Variants in INSC observed in about 807,000 individuals in gnomAD.
INSC encodes protein inscuteable homolog.
A neutral mutation model predicts 58.6 loss-of-function variants in INSC; 67 were observed. The ratio of observed to expected loss-of-function variants is 1.14; its 90% CI spans 0.94 to 1.40. The LOEUF (loss-of-function observed/expected upper bound fraction) is 1.40, where lower values mean the gene tolerates loss of function less well. Ranked by LOEUF, INSC falls within the 40% of genes most tolerant of loss-of-function variation. INSC has a pLI of 0.00. For synonymous variants in INSC, 262 were observed against 276.1 expected (o/e 0.95, Z 0.51); for missense variants, 714 against 692.0 (o/e 1.03, Z -0.36).
the INSC span, among the ~76,000 whole-genome samples, chr11:15,255,727 A>AGTGTGTGT: frequency 1.1e-4 from 10 of 93,414 alleles, no homozygotes; most frequent in African/African-American, 3.6e-4. Context: ...TGTATATGTA[A>AGTGTGTGT]GTGTGTGTAT....
Position 15,114,987 on chromosome 11 carries a change from C to A in INSC, c.-62C>A. 2 of 985,480 alleles carry A rather than the reference C, an allele frequency of 2.0e-6. No individual in the cohort carries two copies. The highest frequency in any genetic ancestry group is 2.4e-6 in the Non-Finnish European group (2 of 829,954). The allele number at this position is 985,480 out of a possible 1,614,324, so 61.0% of individuals were successfully genotyped here. Reference sequence around the variant, plus strand: ...CACCACTGGCCGCTCGCACTACCAGCCTGTCTCGCACGCTAAGTAAGTAGA... The same window carrying A: ...CACCACTGGCCGCTCGCACTACCAGACTGTCTCGCACGCTAAGTAAGTAGA... On this transcript the variant is annotated 5_prime_UTR_variant, in exon 1 of 13. Transcript: ENST00000379556.
At chr11:15,206,112 T>G (rs1386684708) in intron 7 of INSC, among the ~76,000 whole-genome samples, 2 of 152,294 alleles carry the variant, frequency 1.3e-5, no homozygotes, top group African/African-American at 4.8e-5. Flanking sequence ...ACATCACTCC[T>G]CATTCCCTAC....
intron 4 of INSC, 23 bp downstream of exon 4, chr11:15,177,186 C>T: frequency 2.5e-6 from 4 of 1,607,734 alleles, no homozygotes; most frequent in Non-Finnish European, 3.4e-6. Flanking sequence ...CATAGATCTC[C>T]CAGGGTCTGC....
At chr11:15,187,586 G>A (rs1792573) in intron 5 of INSC, among the ~76,000 whole-genome samples, 3 of 152,166 alleles carry the variant, frequency 2.0e-5, no homozygotes, top group African/African-American at 7.2e-5. Flanking sequence ...GCAGTTACTC[G>A]TTTTCAGATT....
At chr11:15,113,365 C>A, upstream of INSC, among the ~76,000 whole-genome samples, 1 of 151,976 alleles carries the variant, frequency 6.6e-6, no homozygotes, top group Non-Finnish European at 1.5e-5. Context: ...TTCACCATGT[C>A]GGCCAGGATG....
rs550602984 is a variant in INSC at position 15,152,926 on chromosome 11, A to G, written c.56+3696A>G. ...GAGCTGACAGGTAGAGAGCTAGGATACGTGTTTCTATATGGTGCTTAAACC... is the reference window on the plus strand; with the variant it reads ...GAGCTGACAGGTAGAGAGCTAGGATGCGTGTTTCTATATGGTGCTTAAACC... On this transcript the variant is annotated intron_variant, in intron 2 of 12. Coordinates refer to ENST00000379556, the MANE Select transcript of INSC (RefSeq NM_001042536.3). Among the ~76,000 whole-genome samples the G allele has an allele frequency of 4.6e-5, 7 of 152,342 alleles. No individual in the cohort carries two copies. In the East Asian group the frequency reaches 1.4e-3, roughly 29 times the overall value.
intron 6 of INSC, among the ~76,000 whole-genome samples, chr11:15,197,400 A>G (rs2133874855): frequency 6.6e-6 from 1 of 152,320 alleles, no homozygotes; most frequent in East Asian, 1.9e-4. Context: ...TTCCTCCCAT[A>G]GAATTACTGT....
the INSC span, among the ~76,000 whole-genome samples, chr11:15,253,414 C>A: frequency 6.6e-6 from 1 of 152,126 alleles, no homozygotes; most frequent in Non-Finnish European, 1.5e-5. Context: ...GACTTGCCCT[C>A]GGACGACCCA....
At chr11:15,227,436 G>A (rs763163459) in intron 9 of INSC, among the ~76,000 whole-genome samples, 8 of 152,216 alleles carry the variant, frequency 5.3e-5, no homozygotes, top group Non-Finnish European at 1.2e-4. Flanking sequence ...CCCCTATTAA[G>A]TTCTTAATAA....
At chr11:15,160,498 C>A (rs1161750767) in intron 2 of INSC, among the ~76,000 whole-genome samples, 1 of 152,100 alleles carries the variant, frequency 6.6e-6, no homozygotes, top group African/African-American at 2.4e-5. Flanking sequence ...CAGGTGATGG[C>A]TCCTAATCAG....
At chr11:15,155,248 G>A (rs1375103158) in intron 2 of INSC, among the ~76,000 whole-genome samples, 1 of 152,112 alleles carries the variant, frequency 6.6e-6, no homozygotes, top group Admixed American at 6.5e-5. Flanking sequence ...TGTTTCTTCT[G>A]TTTGAAACTC....
rs535962982 is a variant in INSC at position 15,135,109 on chromosome 11, A to G, written c.-45-14021A>G. On this transcript the variant is annotated intron_variant, in intron 1 of 12. Coordinates refer to ENST00000379556, the MANE Select transcript of INSC (RefSeq NM_001042536.3). ...AGGCATTGGAATTACTTGGAGATAG[A>G]AAAGAGAATTGAGGGATTTCAGTCA... is the stretch of plus-strand genomic sequence containing the variant. Among the ~76,000 whole-genome samples, 30 of 152,238 alleles carry G rather than the reference A, an allele frequency of 2.0e-4. No individual in the cohort carries two copies. In the South Asian group the frequency reaches 6.0e-3, roughly 31 times the overall value.
At chr11:15,165,080 G>T (rs966287396) in intron 2 of INSC, among the ~76,000 whole-genome samples, 3 of 152,114 alleles carry the variant, frequency 2.0e-5, no homozygotes, top group Admixed American at 2.0e-4. Context: ...GCTGTTGGTG[G>T]TTTGTCCCCA....
chr11:15,190,162 G>C (rs530056651), intron 5 of INSC, among the ~76,000 whole-genome samples: 17 of 152,262 alleles, frequency 1.1e-4, no homozygotes, highest in African/African-American at 3.9e-4. Context: ...CAAGCTATTG[G>C]GGAGAGCAAA....
At chr11:15,197,470 C>T (rs191176030) in intron 6 of INSC, among the ~76,000 whole-genome samples, 5 of 152,330 alleles carry the variant, frequency 3.3e-5, no homozygotes, top group Admixed American at 6.5e-5. Context: ...ATGCCCTGCA[C>T]AGCATCCTCA....
intron 9 of INSC, among the ~76,000 whole-genome samples, chr11:15,230,386 C>T (rs1756499824): frequency 6.6e-6 from 1 of 151,834 alleles, no homozygotes; most frequent in South Asian, 2.1e-4. Flanking sequence ...GAAGCAGGAG[C>T]AAGAGAGAGT....
chr11:15,199,954 T>C (rs1235258330), intron 6 of INSC, among the ~76,000 whole-genome samples: 1 of 152,168 alleles, frequency 6.6e-6, no homozygotes, highest in African/African-American at 2.4e-5. Context: ...CTCCCAGAGC[T>C]AAGGTTGGCT....
At chr11:15,148,787 C>A (rs1322327205) in intron 1 of INSC, among the ~76,000 whole-genome samples, 1 of 149,860 alleles carries the variant, frequency 6.7e-6, no homozygotes, top group East Asian at 1.9e-4. Flanking sequence ...CTCAGATAAA[C>A]CATAGATACT....
intron 1 of INSC, among the ~76,000 whole-genome samples, chr11:15,127,116 T>A (rs1430291025): frequency 6.6e-6 from 1 of 152,180 alleles, no homozygotes; most frequent in Non-Finnish European, 1.5e-5. Context: ...AAAAAGCCCC[T>A]GCCCAGCTGG....
Sources: allele counts gnomAD v4.1 joint callset (sites outside exome capture counted in the v4.1 genomes callset), GRCh38; gene constraint gnomAD v4.1.1; transcripts MANE v1.5; gene names NCBI Gene and HGNC (gene_info 2026-07-23, HGNC 2026-07-21).